The following NOC2L variants were observed in gnomAD, a reference collection of about 807,000 sequenced individuals.
NOC2L encodes the protein NOC2 like nucleolar associated transcriptional repressor.
Under a neutral mutation model 94.2 loss-of-function variants are expected in NOC2L, and 101 were observed. The observed-to-expected ratio is 1.07, with a 90% CI of 0.91 to 1.26. The LOEUF (loss-of-function observed/expected upper bound fraction) is 1.26. NOC2L is among the 50% of genes most tolerant of loss of function. The pLI is 0.00. For synonymous variants in NOC2L, 531 were observed against 413.4 expected (o/e 1.28, Z -3.45); for missense variants, 1,076 against 980.1 (o/e 1.10, Z -1.31).
At position 944,320 on chromosome 1, in the gene NOC2L, G is replaced by A. The variant is rs774685381; in HGVS notation, c.*374C>T. 6.5e-6 allele frequency: 9 copies of A among 1,389,926 alleles called. No homozygotes were observed. The highest frequency in any genetic ancestry group is 8.3e-6 in the Non-Finnish European group (9 of 1,079,104). The allele number at this position is 1,389,926 out of a possible 1,614,324, so 86.1% of individuals were successfully genotyped here. A position where few individuals can be genotyped will look rare whatever the true frequency, so the allele number is the denominator to read the frequency against. ...AGGAACAAATTTTCAAAGACTTGGG[G>A]GAGTGAAGGCAGAGCCTGGTGCAGA... On this transcript the variant is annotated 3_prime_UTR_variant, in exon 19 of 19. Transcript: ENST00000327044.
Position 946,228 on chromosome 1 carries a change from T to G in NOC2L, c.1862A>C (p.His621Pro). ...EGTPLTLYYS[H>P]WRKLRDREIQ... The stretch of plus-strand genomic sequence containing the variant: ...CTCCCGGTCACGCAGCTTGCGCCAG[T>G]GGCTGTAGTACAAGGTCAGGGGTGT... Residue 621 changes from histidine to proline, a missense_variant, in exon 16 of 19, where the codon CAC (histidine) becomes CCC (proline). His to Pro is a moderately conservative substitution (Grantham distance 77). Coordinates refer to ENST00000327044, the MANE Select transcript of NOC2L (RefSeq NM_015658.4). 6.2e-7 allele frequency: 1 copy of G among 1,613,832 alleles called. No individual in the cohort carries two copies. Among genetic ancestry groups the G allele is most frequent in the Non-Finnish European group, 8.5e-7 (1 of 1,179,900 alleles).
At position 952,156 on chromosome 1, in the gene NOC2L, A is replaced by G. The variant is rs1642277156; in HGVS notation, c.1192-17T>C. ...GTATGTTTCCTGGTCAGAGAGAACC[A>G]CGTCAGCTACTGGCCAGGCTGACAA... On this transcript the variant is annotated splice_polypyrimidine_tract_variant and intron_variant, in intron 10 of 18. Transcript: ENST00000327044. 1 of 1,613,156 alleles carries G rather than the reference A, an allele frequency of 6.2e-7. No homozygotes were observed. The highest frequency in any genetic ancestry group is 1.3e-5 in the African/African-American group (1 of 75,036).
intron 2 of NOC2L, chr1:957,639 C>A: frequency 4.1e-6 from 1 of 242,700 alleles, no homozygotes; most frequent in East Asian, 8.9e-5. Flanking sequence ...GTCTCTAATA[C>A]CCAGCACGCA....
rs771110900 is a variant in NOC2L at position 945,609 on chromosome 1, A to G, written c.1962T>C (p.Ala654=). The change falls in exon 17 of 19, where the codon GCT becomes GCC. Residue 654 remains alanine (A), a synonymous_variant. Transcript: ENST00000327044. Reference sequence around the variant, plus strand: ...GCTTCCTGTCCTCATCCTTCCTGTCAGCCATCTTCCTTCGTTTGATCTCAG... The same window carrying G: ...GCTTCCTGTCCTCATCCTTCCTGTCGGCCATCTTCCTTCGTTTGATCTCAG... ...NFPEIKRRKM[A]DRKDEDRKQF... The G allele has an allele frequency of 1.9e-6, 3 of 1,614,022 alleles. No individual in the cohort carries two copies. Among genetic ancestry groups the G allele is most frequent in the Non-Finnish European group, 2.5e-6 (3 of 1,180,006 alleles).
intron 18 of NOC2L, 94 bp from the exon 19 acceptor site, chr1:944,894 T>A: frequency 7.4e-7 from 1 of 1,350,882 alleles, no homozygotes; most frequent in South Asian, 1.3e-5. Context: ...CGGCACTAAT[T>A]AATTTATCCC....
At chr1:951,003 C>T (rs1321977192) in intron 12 of NOC2L, 124 bp downstream of exon 12, 5 of 742,026 alleles carry the variant, frequency 6.7e-6, no homozygotes, top group Admixed American at 2.1e-5. Context: ...TCGTGACACC[C>T]GTGACAAGGA....
chr1:955,565 A>T lies in NOC2L; in HGVS notation c.698+358T>A, dbSNP rs144766493. 3.5e-4 allele frequency among the ~76,000 whole-genome samples: 53 copies of T among 152,340 alleles called. No homozygotes were observed. The East Asian group carries it at 9.6e-3, about 28-fold the overall frequency. ...CACAGCTCCAGGAAACAGGCCAGTC[A>T]TAGTGCAGAGATCAAGGAGTATGGA... On this transcript the variant is annotated intron_variant, in intron 6 of 18. Transcript: ENST00000327044.
intron 12 of NOC2L, among the ~76,000 whole-genome samples, chr1:949,729 C>T (rs1198136835): frequency 6.6e-6 from 1 of 152,178 alleles, no homozygotes; most frequent in Non-Finnish European, 1.5e-5. Context: ...CCCACAGACA[C>T]AGGGGCCAGG....
chr1:955,589 G>C (rs753090343), intron 6 of NOC2L, among the ~76,000 whole-genome samples: 3 of 152,200 alleles, frequency 2.0e-5, no homozygotes, highest in African/African-American at 7.2e-5. Flanking sequence ...AAGGAGTATG[G>C]ACAGGACTTA....
chr1:951,329 C>T lies in NOC2L; in HGVS notation c.1332-91G>A, dbSNP rs535574648. ...GTCTTGGACCTCCTCCCCCACTCAC[C>T]GACATCAGACCCCTAAAGCAGGACA... On this transcript the variant is annotated intron_variant, in intron 11 of 18. Coordinates refer to ENST00000327044, the MANE Select transcript of NOC2L (RefSeq NM_015658.4). 13 of 959,586 alleles carry T rather than the reference C, an allele frequency of 1.4e-5. No individual in the cohort carries two copies. The Admixed American group carries it at 1.4e-4, about 10-fold the overall frequency. The allele number at this position is 959,586 out of a possible 1,614,324, so 59.4% of individuals were successfully genotyped here.
intron 9 of NOC2L, 26 bp downstream of exon 9, chr1:953,149 G>T: frequency 6.6e-7 from 1 of 1,522,084 alleles, no homozygotes; most frequent in Non-Finnish European, 9.1e-7. Flanking sequence ...GATGCTGAGG[G>T]ACACAGACGC....
chr1:944,305 T>A lies in NOC2L; in HGVS notation c.*389A>T, dbSNP rs1464445899. ...GTGACTTCAAAGGAAAGGAACAAAT[T>A]TTCAAAGACTTGGGGGAGTGAAGGC... On this transcript the variant is annotated 3_prime_UTR_variant, in exon 19 of 19. Transcript: ENST00000327044. 1 of 1,392,058 alleles carries A rather than the reference T, an allele frequency of 7.2e-7. No individual in the cohort carries two copies. Among genetic ancestry groups the A allele is most frequent in the African/African-American group, 1.5e-5 (1 of 68,042 alleles). The allele number at this position is 1,392,058 out of a possible 1,614,324, so 86.2% of individuals were successfully genotyped here.
intron 12 of NOC2L, among the ~76,000 whole-genome samples, chr1:950,388 AATGC>A (rs1255345126): frequency 1.4e-5 from 2 of 143,678 alleles, no homozygotes; most frequent in African/African-American, 5.2e-5. Flanking sequence ...TGCAGACGCA[AATGC>A]ATGCACACAG....
In NOC2L at chr1:959,077, G is replaced by C. The variant is rs765666327; in HGVS notation, c.31C>G (p.Leu11Val). The part of the protein sequence containing the change: MAAAGSRKRR[L>V]AELTVDEFLA... The stretch of plus-strand genomic sequence containing the variant: ...AACTCGTCCACCGTCAGCTCCGCCA[G>C]GCGCCTGCGGGTCACGCAGGAGTCA... The change falls in exon 2 of 19, where the codon CTG (leucine) becomes GTG (valine). Residue 11 changes from leucine to valine, a missense_variant. Leu to Val is a conservative substitution (Grantham distance 32, BLOSUM62 1). Around this residue, in one of 3 missense-constraint regions of NOC2L, gnomAD observed 457 missense variants for 386.0 expected, o/e 1.18. Transcript: ENST00000327044. 6.2e-7 allele frequency: 1 copy of C among 1,608,872 alleles called. No individual in the cohort carries two copies. Among genetic ancestry groups the C allele is most frequent in the Admixed American group, 1.7e-5 (1 of 59,824 alleles).
rs1642432448 is a variant in NOC2L at position 957,209 on chromosome 1, C to CGG, written c.242_243dup (p.Glu82ProfsTer15). The CGG allele has an allele frequency of 6.2e-7, 1 of 1,613,816 alleles. No individual in the cohort carries two copies. The highest frequency in any genetic ancestry group is 8.5e-7 in the Non-Finnish European group (1 of 1,180,034). On this transcript the variant is annotated frameshift_variant, in exon 3 of 19. Transcript: ENST00000327044. LOFTEE classifies it high-confidence loss of function. Reference sequence around the variant, plus strand: ...TTCTCCTGCAGGAACTTGTAGAACTCGGGGTCTCTGTCCTTCAGCCGAGAG... The same window carrying CGG: ...TTCTCCTGCAGGAACTTGTAGAACTCGGGGGGTCTCTGTCCTTCAGCCGAGAG...
intron 8 of NOC2L, 46 bp downstream of exon 8, chr1:953,736 C>G (rs1642322083): frequency 1.4e-6 from 2 of 1,403,768 alleles, no homozygotes; most frequent in Admixed American, 1.7e-5. Flanking sequence ...AGCCGTGTGG[C>G]CCCCCGACCC....
At position 954,343 on chromosome 1, in the gene NOC2L, G is replaced by A. The variant is rs533296082; in HGVS notation, c.699-261C>T. 5.5e-5 allele frequency: 25 copies of A among 451,702 alleles called. No individual in the cohort carries two copies. The South Asian group carries it at 9.4e-4, about 17-fold the overall frequency. 28.0% of individuals were successfully genotyped at this position (451,702 alleles called of 1,614,324 possible). ...CCCAGGGTTGGCCACCGCCCTAAGAGTCCCCGGAAGTCCCAGCCTCCAACT... is the reference window on the plus strand; with the variant it reads ...CCCAGGGTTGGCCACCGCCCTAAGAATCCCCGGAAGTCCCAGCCTCCAACT... On this transcript the variant is annotated intron_variant, in intron 6 of 18. Transcript: ENST00000327044.
Position 958,945 on chromosome 1 carries a change from C to T in NOC2L, c.163G>A (p.Gly55Arg). ...EAARSPDKPG[G>R]SPSASRRKGR... is the part of the protein sequence containing the mutation. Reference sequence around the variant, plus strand: ...CCCACTAACCTGGCCGAGGGGCTCCCGCCCGGCTTATCCGGACTCCGGGCA... The same window carrying T: ...CCCACTAACCTGGCCGAGGGGCTCCTGCCCGGCTTATCCGGACTCCGGGCA... The change falls in exon 2 of 19, where the codon GGG becomes AGG. Residue 55 changes from glycine (G) to arginine (R), a missense_variant. Transcript: ENST00000327044. The T allele has an allele frequency of 6.2e-7, 1 of 1,612,752 alleles. No homozygotes were observed. The highest frequency in any genetic ancestry group is 8.5e-7 in the Non-Finnish European group (1 of 1,179,954).
At chr1:955,865 C>G in intron 6 of NOC2L, 58 bp downstream of exon 6, 1 of 1,432,200 alleles carries the variant, frequency 7.0e-7, no homozygotes, top group Non-Finnish European at 9.8e-7. Context: ...CTGGCTTCTC[C>G]TGTGTGTGGT....
Sources: allele counts gnomAD v4.1 joint callset (sites outside exome capture counted in the v4.1 genomes callset), GRCh38; gene constraint gnomAD v4.1.1; regional missense constraint gnomAD v4.1.1; transcripts MANE v1.5; gene names NCBI Gene and HGNC (gene_info 2026-07-23, HGNC 2026-07-21).